The following RNF14 variants were observed in gnomAD, a reference collection of about 807,000 sequenced individuals.
RNF14 encodes E3 ubiquitin-protein ligase RNF14.
A neutral mutation model predicts 52.6 loss-of-function variants in RNF14; 26 were observed. The ratio of observed to expected loss-of-function variants is 0.49; its 90% CI spans 0.36 to 0.69. The LOEUF is 0.69. Ranked by LOEUF, RNF14 falls within the 30% of genes least tolerant of loss-of-function variation. RNF14 has a pLI of 0.00. For synonymous variants in RNF14, 194 were observed against 202.0 expected (o/e 0.96, Z 0.34); for missense variants, 404 against 560.4 (o/e 0.72, Z 2.82).
chr5:141,989,520 C>T lies in RNF14; in HGVS notation c.*1730C>T, dbSNP rs189888018. 2,131 of 152,100 alleles carry T rather than the reference C, an allele frequency of 0.014. 14 individuals carry two copies. Among genetic ancestry groups the T allele is most frequent in the Non-Finnish European group, 0.021 (1,431 of 68,002 alleles). 9.4% of individuals were successfully genotyped at this position (152,100 alleles called of 1,614,324 possible). On this transcript the variant is annotated 3_prime_UTR_variant, in exon 9 of 9. Transcript: ENST00000394520. Reference sequence around the variant, plus strand: ...CATCATGGCTAACACGGTGAAACCCCGTCTCTACTAAAAATACAAAAAATT... The same window carrying T: ...CATCATGGCTAACACGGTGAAACCCTGTCTCTACTAAAAATACAAAAAATT...
upstream of RNF14, chr5:141,955,141 G>C (rs1753155708): frequency 6.2e-7 from 1 of 1,614,208 alleles, no homozygotes; most frequent in Non-Finnish European, 8.5e-7. This position sits in a 1 kb window ranked among gnomAD's most constrained non-coding sequence, Gnocchi z 5.5. Context: ...AGAGGAGGCT[G>C]GTGGCCTCTG....
upstream of RNF14, among the ~76,000 whole-genome samples, chr5:141,968,607 C>T (rs1308328230): frequency 6.6e-6 from 1 of 152,172 alleles, no homozygotes; most frequent in East Asian, 1.9e-4. Context: ...GTAGCTAAAT[C>T]ATAAGATTAC....
chr5:141,971,615 T>C (rs554512446), intron 2 of RNF14, among the ~76,000 whole-genome samples: 10 of 147,510 alleles, frequency 6.8e-5, no homozygotes, highest in African/African-American at 1.0e-4. Context: ...TTCTTTCCTT[T>C]CTTTCTTCTT....
At chr5:141,957,566 G>A, upstream of RNF14, 1 of 1,614,212 alleles carries the variant, frequency 6.2e-7, no homozygotes, top group Non-Finnish European at 8.5e-7. The surrounding 1 kb of genome is among the most constrained non-coding windows in gnomAD (Gnocchi z 4.3). Context: ...CGGCACAGCT[G>A]CTCTCGATCC....
At chr5:141,952,115 G>A in the RNF14 span, among the ~76,000 whole-genome samples, 7 of 152,182 alleles carry the variant, frequency 4.6e-5, no homozygotes, top group East Asian at 1.2e-3. Context: ...CAGGGTGGTT[G>A]CTATGGGAGT....
chr5:141,960,898 C>T (rs187804183), intron 1 of RNF14, among the ~76,000 whole-genome samples: 1 of 152,070 alleles, frequency 6.6e-6, no homozygotes, highest in Non-Finnish European at 1.5e-5. Context: ...GTTTCCAGAG[C>T]GCCATCTGGT....
intron 2 of RNF14, 116 bp downstream of exon 2, chr5:141,970,993 T>C (rs1753693011): frequency 6.6e-6 from 1 of 152,316 alleles, no homozygotes; most frequent in East Asian, 1.9e-4. Context: ...ATGAAATCAT[T>C]TTTAATTTCA....
chr5:141,951,473 G>T, the RNF14 span: 1 of 1,596,076 alleles, frequency 6.3e-7, no homozygotes. Context: ...AGATGCCTGT[G>T]GGGGCTACGT....
At chr5:141,975,618 A>G (rs936020516) in intron 4 of RNF14, among the ~76,000 whole-genome samples, 1 of 152,224 alleles carries the variant, frequency 6.6e-6, no homozygotes, top group African/African-American at 2.4e-5. Context: ...TATGGCTTGA[A>G]GCTAAATATA....
At chr5:141,974,723 T>C in intron 3 of RNF14, 81 bp from the exon 4 acceptor site, 2 of 1,340,658 alleles carry the variant, frequency 1.5e-6, no homozygotes, top group Non-Finnish European at 2.1e-6. Context: ...AAGCATTAAG[T>C]CTTTCTTGAG....
upstream of RNF14, among the ~76,000 whole-genome samples, chr5:141,964,485 G>A (rs1753300463): frequency 6.6e-6 from 1 of 152,172 alleles, no homozygotes; most frequent in Admixed American, 6.5e-5. Flanking sequence ...TTGATGTTGG[G>A]TTTAGCTTAG....
At chr5:141,955,874 C>T, upstream of RNF14, 1 of 1,614,198 alleles carries the variant, frequency 6.2e-7, no homozygotes, top group Non-Finnish European at 8.5e-7. The surrounding 1 kb of genome is among the most constrained non-coding windows in gnomAD (Gnocchi z 5.5). Flanking sequence ...GCATTGGTGA[C>T]ATTGACGAAC....
upstream of RNF14, among the ~76,000 whole-genome samples, chr5:141,954,592 C>A (rs1037184927): frequency 2.0e-5 from 3 of 152,110 alleles, no homozygotes; most frequent in Non-Finnish European, 4.4e-5. Flanking sequence ...GGATTTGAAC[C>A]CAGGTAACCT....
chr5:141,975,384 A>G (rs542861757), intron 4 of RNF14, among the ~76,000 whole-genome samples: 8 of 152,344 alleles, frequency 5.3e-5, no homozygotes, highest in South Asian at 4.1e-4. Context: ...ATAATAAGCA[A>G]ATTTTCTGAG....
In RNF14 at chr5:141,989,858, T is replaced by G. The variant is rs1482104044; in HGVS notation, c.*2068T>G. On this transcript the variant is annotated 3_prime_UTR_variant, in exon 9 of 9. Transcript: ENST00000394520. Reference sequence around the variant, plus strand: ...AGCTACTCAGAAGCTCTATAGTTCGTGAGCTACTTGATATTTTCTAGAGAT... The same window carrying G: ...AGCTACTCAGAAGCTCTATAGTTCGGGAGCTACTTGATATTTTCTAGAGAT... 1.3e-5 allele frequency: 2 copies of G among 152,218 alleles called. No individual in the cohort carries two copies. Among genetic ancestry groups the G allele is most frequent in the East Asian group, 3.8e-4 (2 of 5,198 alleles). 9.4% of individuals were successfully genotyped at this position (152,218 alleles called of 1,614,324 possible).
chr5:141,967,608 C>T (rs373761285), upstream of RNF14, among the ~76,000 whole-genome samples: 52 of 152,222 alleles, frequency 3.4e-4, no homozygotes, highest in East Asian at 1.4e-3. Context: ...TAATCCTGCC[C>T]GGGAGGCAAT....
At chr5:141,977,475 C>A (rs1754369299) in intron 4 of RNF14, among the ~76,000 whole-genome samples, 2 of 152,308 alleles carry the variant, frequency 1.3e-5, no homozygotes, top group South Asian at 4.1e-4. Context: ...GCTTATAATT[C>A]CTGTGCTCTA....
chr5:141,973,347 C>T (rs1314451222), intron 2 of RNF14, among the ~76,000 whole-genome samples: 1 of 151,332 alleles, frequency 6.6e-6, no homozygotes, highest in Non-Finnish European at 1.5e-5. Flanking sequence ...AAGCGATTCT[C>T]CTGTCTCAGC....
At chr5:141,971,552 A>T (rs1753746080) in intron 2 of RNF14, among the ~76,000 whole-genome samples, 1 of 102,910 alleles carries the variant, frequency 9.7e-6, no homozygotes, top group African/African-American at 3.8e-5. Context: ...CTTTAATTGT[A>T]GCTAATTTCT....
Sources: allele counts gnomAD v4.1 joint callset (sites outside exome capture counted in the v4.1 genomes callset), GRCh38; gene constraint gnomAD v4.1.1; non-coding constraint Gnocchi (gnomAD v3.1); transcripts MANE v1.5; gene names NCBI Gene and HGNC (gene_info 2026-07-23, HGNC 2026-07-21).